Variants in SYNE2 observed in about 807,000 individuals in gnomAD.
SYNE2 encodes the protein spectrin repeat containing nuclear envelope protein 2, also known as nesprin-2.
A neutral mutation model predicts 856.3 loss-of-function variants in SYNE2; 431 were observed. The ratio of observed to expected loss-of-function variants is 0.50; its 90% confidence interval spans 0.47 to 0.55. The LOEUF is 0.55. SYNE2 is among the 20% of genes least tolerant of loss of function. SYNE2 has a pLI of 0.00. For missense variants in SYNE2, 8,129 were observed against 8,023.2 expected, an observed-to-expected ratio of 1.01 and a Z score of -0.50; for synonymous variants, 2,923 against 2,872.3, an observed-to-expected ratio of 1.02 and a Z score of -0.56.
chr14:63,991,180 A>G (rs1341966618), intron 21 of SYNE2, 65 bp downstream of exon 21: 2 of 1,502,010 alleles, frequency 1.3e-6, no homozygotes, highest in Non-Finnish European at 1.8e-6. Flanking sequence ...GTTTGAAATC[A>G]AGATGTTTCC....
At chr14:63,882,332 CTT>C (rs1224510895) in intron 1 of SYNE2, among the ~76,000 whole-genome samples, 2 of 152,024 alleles carry the variant, frequency 1.3e-5, no homozygotes, top group African/African-American at 4.8e-5. Flanking sequence ...CCAAAGAAAA[CTT>C]AAAACATATT....
At chr14:63,944,517 C>CTTTTTTTT (rs1188374243) in intron 6 of SYNE2, among the ~76,000 whole-genome samples, 2 of 90,146 alleles carry the variant, frequency 2.2e-5, no homozygotes, top group African/African-American at 9.1e-5. Context: ...TAAAGCCTTT[C>CTTTTTTTT]TTTTTTTTTT....
chr14:63,808,175 G>A (rs1435482373), intron 1 of SYNE2, among the ~76,000 whole-genome samples: 1 of 151,676 alleles, frequency 6.6e-6, no homozygotes, highest in Non-Finnish European at 1.5e-5. Context: ...CGATTCCCCT[G>A]CCTTGGCCTC....
chr14:64,126,946 A>G (rs570088963), intron 73 of SYNE2, 139 bp downstream of exon 73: 8 of 1,027,486 alleles, frequency 7.8e-6, no homozygotes, highest in East Asian at 2.6e-5. Flanking sequence ...TTTGTTGCTC[A>G]TGGTTGGAGA....
chr14:64,221,501 A>C, intron 111 of SYNE2, 75 bp from the exon 112 acceptor site: 1 of 1,614,042 alleles, frequency 6.2e-7, no homozygotes, highest in South Asian at 1.1e-5. Flanking sequence ...GATTGGAAGC[A>C]GTAAGCCATG....
chr14:64,139,379 T>TAAAA (rs146427287), intron 79 of SYNE2, among the ~76,000 whole-genome samples: 3 of 151,554 alleles, frequency 2.0e-5, no homozygotes, highest in African/African-American at 7.3e-5. Context: ...TAATAAGAAA[T>TAAAA]AAAGAATGCT....
chr14:64,019,329 G>A (rs1483586476), intron 34 of SYNE2, among the ~76,000 whole-genome samples: 1 of 151,830 alleles, frequency 6.6e-6, no homozygotes, highest in African/African-American at 2.4e-5. Context: ...ACTGTTGCCA[G>A]TTATATGTGG....
chr14:64,170,098 G>A (rs1171395608), intron 93 of SYNE2, 130 bp from the exon 94 acceptor site: 12 of 852,984 alleles, frequency 1.4e-5, no homozygotes, highest in Non-Finnish European at 2.3e-5. Flanking sequence ...GCACTCAGGT[G>A]TTTAGAAGTT....
intron 85 of SYNE2, among the ~76,000 whole-genome samples, chr14:64,155,150 C>T (rs1010907529): frequency 3.3e-5 from 5 of 152,300 alleles, no homozygotes; most frequent in East Asian, 3.9e-4. Flanking sequence ...AACGTGTCCA[C>T]GCCAAAAACT....
At chr14:63,761,642 C>T (rs979025550), upstream of SYNE2, among the ~76,000 whole-genome samples, 6 of 152,178 alleles carry the variant, frequency 3.9e-5, no homozygotes, top group African/African-American at 1.2e-4. Context: ...GAATACTTCT[C>T]TAATGAGGGA....
rs201459646 is a variant in SYNE2, at chr14:63,859,945, TTCCC to T, written c.-52+6828_-52+6831del. On this transcript the variant is annotated intron_variant, in intron 1 of 115. Transcript: ENST00000555002. ...CTCTCTTTCTCCCTTCTCCCCTTCC[TTCCC>T]TCCCTCCCTCCCTCCCTCCCTCCCT... is the stretch of plus-strand genomic sequence containing the variant. 1.6e-3 allele frequency among the ~76,000 whole-genome samples: 159 copies of T among 100,560 alleles called. 1 individual carries two copies. The highest frequency in any genetic ancestry group is 0.011 in the Middle Eastern group (2 of 180). 66.0% of individuals were successfully genotyped at this position (100,560 alleles called of 152,430 possible).
In SYNE2 at chr14:64,010,166, G is replaced by T. The variant is rs144318357; in HGVS notation, c.4728+50G>T. On this transcript the variant is annotated intron_variant, in intron 32 of 115. Transcript: ENST00000555002. ...AACTGCCCAGTGACCTCACTGACAGGCCTGGTAGTAAAGAGATATTATAGA... is the reference window on the plus strand; with the variant it reads ...AACTGCCCAGTGACCTCACTGACAGTCCTGGTAGTAAAGAGATATTATAGA... 9,701 of 1,557,102 alleles carry T rather than the reference G, an allele frequency of 6.2e-3. 43 individuals carry two copies. Among genetic ancestry groups the T allele is most frequent in the Non-Finnish European group, 7.0e-3 (8,013 of 1,140,330 alleles).
intron 47 of SYNE2, among the ~76,000 whole-genome samples, chr14:64,051,252 TCTTCC>T (rs1330173697): frequency 6.6e-6 from 1 of 152,102 alleles, no homozygotes; most frequent in Non-Finnish European, 1.5e-5. Flanking sequence ...TTATGTACAT[TCTTCC>T]CTTCACTTCA....
chr14:64,033,607 G>T (rs560178818), intron 45 of SYNE2, among the ~76,000 whole-genome samples: 3 of 152,072 alleles, frequency 2.0e-5, no homozygotes, highest in Non-Finnish European at 4.4e-5. Flanking sequence ...AATTGCTTGA[G>T]CCCAGGAGGT....
intron 11 of SYNE2, among the ~76,000 whole-genome samples, chr14:63,973,460 C>G (rs969023964): frequency 6.6e-6 from 1 of 150,724 alleles, no homozygotes; most frequent in African/African-American, 2.4e-5. Flanking sequence ...GGTGAAACCT[C>G]GTCTCTACTA....
chr14:63,845,944 A>T (rs1460849027), intron 1 of SYNE2, among the ~76,000 whole-genome samples: 1 of 151,308 alleles, frequency 6.6e-6, no homozygotes, highest in East Asian at 1.9e-4. Flanking sequence ...AGGTTTCACC[A>T]TGTTGGCCAG....
chr14:63,899,589 C>T (rs2095308374), intron 1 of SYNE2, among the ~76,000 whole-genome samples: 1 of 151,974 alleles, frequency 6.6e-6, no homozygotes, highest in African/African-American at 2.4e-5. Flanking sequence ...GCAGCCTTGA[C>T]CTCCTGGGCT....
chr14:63,829,434 A>C (rs1000136655), intron 1 of SYNE2, among the ~76,000 whole-genome samples: 4 of 151,958 alleles, frequency 2.6e-5, no homozygotes, highest in Admixed American at 6.6e-5. Flanking sequence ...AACAAACAAA[A>C]AAAAACAAAA....
intron 64 of SYNE2, among the ~76,000 whole-genome samples, chr14:64,102,501 ATTT>A (rs1211142346): frequency 1.7e-5 from 2 of 118,262 alleles, no homozygotes. Context: ...CATGGGCTGA[ATTT>A]TTTTTTTTTT....
Sources: gnomAD v4.1 joint callset for allele counts (sites outside exome capture counted in the v4.1 genomes callset) on GRCh38, gnomAD v4.1.1 for gene constraint, MANE v1.5 for transcripts, NCBI Gene and HGNC (gene_info 2026-07-23, HGNC 2026-07-21) for gene names.